Variants in CSDC2 observed in about 807,000 individuals in gnomAD.
CSDC2 encodes the protein cold shock domain containing C2, also known as cold shock domain-containing protein C2.
Under a neutral mutation model 15.8 loss-of-function variants are expected in CSDC2, and 8 were observed. That is an observed-to-expected ratio of 0.51 (90% CI 0.30 to 0.92). CSDC2 has a LOEUF of 0.92. Among genes scored for constraint, CSDC2 ranks in the 40% least tolerant of loss-of-function variants. The probability of loss-of-function intolerance (pLI) is 0.07; values close to 1 mark genes in which losing one functional copy is unlikely to be tolerated. For missense variants in CSDC2, 195 were observed against 213.3 expected, an observed-to-expected ratio of 0.91 and a Z score of 0.53; for synonymous variants, 96 against 92.3, an observed-to-expected ratio of 1.04 and a Z score of -0.23.
Position 41,561,045 on chromosome 22 carries a change from G to GACACACAGAC in CSDC2, c.-255_-254insGACACACACA, listed in dbSNP as rs560868541. ...GGTACCGCCCGCGCGAGCACACACA[G>GACACACAGAC]ACACACACACACACACACACACACA... On this transcript the variant is annotated 5_prime_UTR_variant, in exon 1 of 4. Coordinates refer to ENST00000306149, the MANE Select transcript of CSDC2 (RefSeq NM_014460.4). The GACACACAGAC allele has an allele frequency of 1.1e-4, 14 of 132,138 alleles. No homozygotes were observed. The highest frequency in any genetic ancestry group is 4.0e-4 in the African/African-American group (14 of 35,304). 8.2% of individuals were successfully genotyped at this position (132,138 alleles called of 1,614,324 possible).
At chr22:41,565,058 C>T (rs1361083118) in intron 1 of CSDC2, among the ~76,000 whole-genome samples, 3 of 151,862 alleles carry the variant, frequency 2.0e-5, no homozygotes, top group Non-Finnish European at 2.9e-5. Context: ...CCCAGCTACT[C>T]GAGAGGCTGA....
At chr22:41,574,269 TTTTA>T (rs1176349976) in intron 3 of CSDC2, among the ~76,000 whole-genome samples, 2 of 127,904 alleles carry the variant, frequency 1.6e-5, no homozygotes, top group Admixed American at 1.6e-4. Flanking sequence ...TTTTATTTTA[TTTTA>T]TTTATTTTTT....
chr22:41,568,044 T>C (rs1224201063), intron 1 of CSDC2, among the ~76,000 whole-genome samples: 1 of 150,484 alleles, frequency 6.6e-6, no homozygotes, highest in African/African-American at 2.5e-5. Context: ...GCCCAGCGCC[T>C]ACTCAGTGCT....
chr22:41,563,021 G>A (rs1242240581), intron 1 of CSDC2, among the ~76,000 whole-genome samples: 5 of 152,122 alleles, frequency 3.3e-5, no homozygotes, highest in African/African-American at 9.7e-5. Flanking sequence ...TCCCAGTGCC[G>A]TCCTGGTTTC....
intron 3 of CSDC2, 141 bp downstream of exon 3, chr22:41,573,918 A>C: frequency 8.7e-7 from 1 of 1,154,610 alleles, no homozygotes; most frequent in Non-Finnish European, 1.2e-6. Flanking sequence ...GTAGGGGCTG[A>C]GGGTGCGTTG....
chr22:41,567,405 G>T (rs2067121755), intron 1 of CSDC2, among the ~76,000 whole-genome samples: 1 of 152,220 alleles, frequency 6.6e-6, no homozygotes, highest in African/African-American at 2.4e-5. Context: ...TAACTGGGAG[G>T]TTGAAACGTA....
intron 2 of CSDC2, among the ~76,000 whole-genome samples, chr22:41,572,438 G>GTCCA (rs1162223413): frequency 2.9e-4 from 13 of 44,474 alleles, no homozygotes; most frequent in East Asian, 1.2e-3. Flanking sequence ...CCATCCACCT[G>GTCCA]TCCATCCATC....
In CSDC2 at chr22:41,566,630, C is replaced by CA. The variant is rs554141972; in HGVS notation, c.-123-5196dup. Among the ~76,000 whole-genome samples, 270 of 83,338 alleles carry CA rather than the reference C, an allele frequency of 3.2e-3. 2 individuals are homozygous for CA. Among genetic ancestry groups the CA allele is most frequent in the East Asian group, 7.1e-3 (16 of 2,238 alleles). The allele number at this position is 83,338 out of a possible 152,430, so 54.7% of individuals were successfully genotyped here. A position where few individuals can be genotyped will look rare whatever the true frequency, so the allele number is the denominator to read the frequency against. ...TGAGGGACAGAGTGAGACTCTGTCTCAAAAAAAAAAAAAAAAAGGGGGAGG... is the reference window on the plus strand; with the variant it reads ...TGAGGGACAGAGTGAGACTCTGTCTCAAAAAAAAAAAAAAAAAAGGGGGAGG... On this transcript the variant is annotated intron_variant, in intron 1 of 3. Coordinates refer to ENST00000306149, the MANE Select transcript of CSDC2 (RefSeq NM_014460.4).
intron 1 of CSDC2, among the ~76,000 whole-genome samples, chr22:41,567,451 T>C (rs1018234087): frequency 5.3e-5 from 8 of 152,258 alleles, no homozygotes; most frequent in African/African-American, 1.7e-4. Flanking sequence ...GCACAGTACA[T>C]GGCATTCAGC....
intron 1 of CSDC2, among the ~76,000 whole-genome samples, chr22:41,570,421 C>T (rs1310510611): frequency 6.6e-6 from 1 of 152,192 alleles, no homozygotes; most frequent in Non-Finnish European, 1.5e-5. Context: ...CTCCTGGACT[C>T]ATCCAGGCCT....
rs749458421 is a variant in CSDC2 at position 41,571,946 on chromosome 22, G to A, written c.-20G>A. ...GCCCCTGGGCCCCAGAGCCCACCAG[G>A]CTCTCCTGCTGGCCCCACCATGACT... On this transcript the variant is annotated 5_prime_UTR_variant, in exon 2 of 4. Coordinates refer to ENST00000306149, the MANE Select transcript of CSDC2 (RefSeq NM_014460.4). 3.0e-6 allele frequency: 4 copies of A among 1,316,268 alleles called. No homozygotes were observed. The highest frequency in any genetic ancestry group is 2.3e-5 in the South Asian group (1 of 42,970). The allele number at this position is 1,316,268 out of a possible 1,614,324, so 81.5% of individuals were successfully genotyped here. A position where few individuals can be genotyped will look rare whatever the true frequency, so the allele number is the denominator to read the frequency against.
At chr22:41,561,212 CTG>C (rs1282382154) in intron 1 of CSDC2, 29 bp downstream of exon 1, 1 of 152,572 alleles carries the variant, frequency 6.6e-6, no homozygotes, top group African/African-American at 2.4e-5. Context: ...CCTGAGGACA[CTG>C]TGCCAGAAAC....
chr22:41,561,106 G>A lies in CSDC2; in HGVS notation c.-201G>A. 6.6e-6 allele frequency: 1 copy of A among 151,510 alleles called. No homozygotes were observed. Among genetic ancestry groups the A allele is most frequent in the Non-Finnish European group, 1.4e-5 (1 of 69,332 alleles). The allele number at this position is 151,510 out of a possible 1,614,324, so 9.4% of individuals were successfully genotyped here. ...CATCTTCCAGACCCATCCCCTGCCT[G>A]CCAGCTCCACGAGCCAGAGAGAGAC... is the stretch of plus-strand genomic sequence containing the variant. On this transcript the variant is annotated 5_prime_UTR_variant, in exon 1 of 4. Transcript: ENST00000306149.
chr22:41,563,021 GT>G (rs2067095923), intron 1 of CSDC2, among the ~76,000 whole-genome samples: 1 of 152,122 alleles, frequency 6.6e-6, no homozygotes, highest in Non-Finnish European at 1.5e-5. Flanking sequence ...TCCCAGTGCC[GT>G]CCTGGTTTCC....
rs1054177392 is a variant in CSDC2 at position 41,575,028 on chromosome 22, C to T, written c.*133C>T. 28 of 1,081,404 alleles carry T rather than the reference C, an allele frequency of 2.6e-5. 1 individual carries two copies. The highest frequency in any genetic ancestry group is 2.5e-4 in the South Asian group (16 of 63,930). 67.0% of individuals were successfully genotyped at this position (1,081,404 alleles called of 1,614,324 possible). A position where few individuals can be genotyped will look rare whatever the true frequency, so the allele number is the denominator to read the frequency against. ...GCCTCAGTGTGCACGTCTGTCTGTCCGTCTGTGCTTGTGGCTATGAGCGTG... is the reference window on the plus strand; with the variant it reads ...GCCTCAGTGTGCACGTCTGTCTGTCTGTCTGTGCTTGTGGCTATGAGCGTG... On this transcript the variant is annotated 3_prime_UTR_variant, in exon 4 of 4. Transcript: ENST00000306149.
At chr22:41,572,315 C>CCCAT (rs768020765) in intron 2 of CSDC2, among the ~76,000 whole-genome samples, 174 bp downstream of exon 2, 13 of 120,296 alleles carry the variant, frequency 1.1e-4, no homozygotes, top group African/African-American at 4.5e-4. Flanking sequence ...CACCCATCCA[C>CCCAT]CCATCCATCC....
chr22:41,561,957 G>A (rs1462764297), intron 1 of CSDC2, among the ~76,000 whole-genome samples: 4 of 152,208 alleles, frequency 2.6e-5, no homozygotes, highest in East Asian at 1.9e-4. Flanking sequence ...GAGTCCAGGC[G>A]GAGATAAGGG....
rs772603972 is a variant in CSDC2, at chr22:41,574,721, C to T, written c.300-12C>T. ...CTGCTGCTGGGCTAATACCCCTCTT[C>T]CTGCCCGCCAGCATCGAGGGGGAGT... On this transcript the variant is annotated splice_polypyrimidine_tract_variant and intron_variant, in intron 3 of 3. Coordinates refer to ENST00000306149, the MANE Select transcript of CSDC2 (RefSeq NM_014460.4). 1.2e-6 allele frequency: 2 copies of T among 1,612,924 alleles called. No individual in the cohort carries two copies. Among genetic ancestry groups the T allele is most frequent in the African/African-American group, 1.3e-5 (1 of 75,076 alleles).
In CSDC2 at chr22:41,571,885, G is replaced by T; in HGVS notation, c.-81G>T. ...TGAGGCCGCAGAGCAGGGCCAGGCC[G>T]GGCCCTGCCCGCAAGGACGACCAAA... On this transcript the variant is annotated 5_prime_UTR_variant, in exon 2 of 4. Coordinates refer to ENST00000306149, the MANE Select transcript of CSDC2 (RefSeq NM_014460.4). 1 of 959,712 alleles carries T rather than the reference G, an allele frequency of 1.0e-6. No homozygotes were observed. The highest frequency in any genetic ancestry group is 1.4e-6 in the Non-Finnish European group (1 of 710,480). The allele number at this position is 959,712 out of a possible 1,614,324, so 59.4% of individuals were successfully genotyped here. A position where few individuals can be genotyped will look rare whatever the true frequency, so the allele number is the denominator to read the frequency against.
Sources: gnomAD v4.1 joint callset for allele counts (sites outside exome capture counted in the v4.1 genomes callset) on GRCh38, gnomAD v4.1.1 for gene constraint, MANE v1.5 for transcripts, NCBI Gene and HGNC (gene_info 2026-07-23, HGNC 2026-07-21) for gene names.